Variants in JAKMIP1 observed in about 807,000 individuals in gnomAD.
The protein encoded by JAKMIP1 is janus kinase and microtubule interacting protein 1.
In JAKMIP1, 33 loss-of-function variants were observed where a neutral mutation model predicts 113.0. The observed-to-expected ratio is 0.29, with a 90% CI of 0.22 to 0.39. The LOEUF is 0.39. Ranked by LOEUF, JAKMIP1 falls within the 10% of genes least tolerant of loss-of-function variation. The pLI is 1.00. For missense variants in JAKMIP1, 813 were observed against 1,080.5 expected, an observed-to-expected ratio of 0.75 and a Z score of 3.47; for synonymous variants, 480 against 459.9, an observed-to-expected ratio of 1.04 and a Z score of -0.56.
Position 6,042,963 on chromosome 4 carries a change from G to T in JAKMIP1, c.2029-736C>A, listed in dbSNP as rs1296409612. Among the ~76,000 whole-genome samples, 5 of 152,028 alleles carry T rather than the reference G, an allele frequency of 3.3e-5. No individual in the cohort carries two copies. Among genetic ancestry groups the T allele is most frequent in the African/African-American group, 9.7e-5 (4 of 41,394 alleles). On this transcript the variant is annotated intron_variant, in intron 16 of 20. Transcript: ENST00000409021. The surrounding 1 kb of genome is among the most constrained non-coding windows in gnomAD (Gnocchi z 5.2). ...GAGCTCTGTCCACGTTCCCTCTGGG[G>T]TCTGGGCTGGGGGTGAGCACGGAGG...
Position 6,128,138 on chromosome 4 carries a change from C to T in JAKMIP1, c.-147-15141G>A, listed in dbSNP as rs1195103283. On this transcript the variant is annotated intron_variant, in intron 1 of 20. Transcript: ENST00000409021. ...TGGGGCCCGAGACAGAAACTGGCCA[C>T]AGTCATGTGGTTAGAAAAGGGCTTT... Among the ~76,000 whole-genome samples the T allele has an allele frequency of 2.6e-5, 4 of 152,308 alleles. No individual in the cohort carries two copies. In the East Asian group the frequency reaches 7.7e-4, roughly 29 times the overall value.
chr4:6,029,775 G>A lies in JAKMIP1; in HGVS notation c.2386C>T (p.Arg796Ter). Reference sequence around the variant, plus strand: ...AACTCCAGTTTGTCCTCCAGTTCTCGGATTCTCTGAAATACACCAGGTTAC... The same window carrying A: ...AACTCCAGTTTGTCCTCCAGTTCTCAGATTCTCTGAAATACACCAGGTTAC... ...ELLQQAQQRIRELEDKLEFQK... is the reference protein window; with the variant it reads ...ELLQQAQQRI Residue 796 changes from arginine (R) to a stop codon, truncating the protein, a stop_gained, in exon 20 of 21, where the codon CGA (arginine) becomes TGA (stop). Coordinates refer to ENST00000409021, the MANE Select transcript of JAKMIP1 (RefSeq NM_001099433.2). LOFTEE classifies it high-confidence loss of function. 6.2e-7 allele frequency: 1 copy of A among 1,601,652 alleles called. No homozygotes were observed. The highest frequency in any genetic ancestry group is 8.5e-7 in the Non-Finnish European group (1 of 1,173,284).
In JAKMIP1 at chr4:6,158,294, A is replaced by G. The variant is rs967235140; in HGVS notation, c.-148+41959T>C. Among the ~76,000 whole-genome samples, 1 of 152,234 alleles carries G rather than the reference A, an allele frequency of 6.6e-6. No homozygotes were observed. Among genetic ancestry groups the G allele is most frequent in the Non-Finnish European group, 1.5e-5 (1 of 68,038 alleles). ...TCAGCTATGAAGCACTTGAAAGCCC[A>G]GAACCTAACATCATAGGGATGGTAG... On this transcript the variant is annotated intron_variant, in intron 1 of 20. Coordinates refer to ENST00000409021, the MANE Select transcript of JAKMIP1 (RefSeq NM_001099433.2). The surrounding 1 kb of genome is among the most constrained non-coding windows in gnomAD (Gnocchi z 5.3).
intron 1 of JAKMIP1, among the ~76,000 whole-genome samples, chr4:6,160,013 A>G (rs1388594713): frequency 6.6e-6 from 1 of 152,204 alleles, no homozygotes; most frequent in Admixed American, 6.5e-5. Context: ...GATCAGGATT[A>G]AAGCAAGAAG....
At position 6,042,058 on chromosome 4, in the gene JAKMIP1, A is replaced by C. The variant is rs1714386632; in HGVS notation, c.2097+101T>G. ...GGGCAAAAGCAAAATTGAGAAATGC[A>C]TGCAAATCATTAGGAAAACACATGC... On this transcript the variant is annotated intron_variant, in intron 17 of 20. Transcript: ENST00000409021. This position sits in a 1 kb window ranked among gnomAD's most constrained non-coding sequence, Gnocchi z 5.2. The C allele has an allele frequency of 1.0e-6, 1 of 958,302 alleles. No homozygotes were observed. The highest frequency in any genetic ancestry group is 1.6e-5 in the African/African-American group (1 of 61,544). The allele number at this position is 958,302 out of a possible 1,614,324, so 59.4% of individuals were successfully genotyped here.
At chr4:6,169,776 C>A (rs1297724979) in intron 1 of JAKMIP1, among the ~76,000 whole-genome samples, 1 of 151,900 alleles carries the variant, frequency 6.6e-6, no homozygotes, top group Non-Finnish European at 1.5e-5. Flanking sequence ...GGCCTTGTGC[C>A]TCAGATGCCC....
At position 6,069,588 on chromosome 4, in the gene JAKMIP1, A is replaced by G. The variant is rs1718661551; in HGVS notation, c.1303-4580T>C. On this transcript the variant is annotated intron_variant, in intron 8 of 20. Transcript: ENST00000409021. This position sits in a 1 kb window ranked among gnomAD's most constrained non-coding sequence, Gnocchi z 4.5. ...ACATAGTGAGAATCCATCTCTACAAAAAGTTATTTAAAAAGTTAGCCGAGT... is the reference window on the plus strand; with the variant it reads ...ACATAGTGAGAATCCATCTCTACAAGAAGTTATTTAAAAAGTTAGCCGAGT... Among the ~76,000 whole-genome samples, 1 of 152,076 alleles carries G rather than the reference A, an allele frequency of 6.6e-6. No homozygotes were observed.
At chr4:6,104,360 T>C (rs1237146176) in intron 3 of JAKMIP1, among the ~76,000 whole-genome samples, 1 of 152,248 alleles carries the variant, frequency 6.6e-6, no homozygotes, top group African/African-American at 2.4e-5. Flanking sequence ...TTTTCTTTTA[T>C]ACATTTTGAG....
At position 6,094,478 on chromosome 4, in the gene JAKMIP1, C is replaced by T. The variant is rs1722533481; in HGVS notation, c.625-8849G>A. On this transcript the variant is annotated intron_variant, in intron 3 of 20. Coordinates refer to ENST00000409021, the MANE Select transcript of JAKMIP1 (RefSeq NM_001099433.2). The surrounding 1 kb of genome is among the most constrained non-coding windows in gnomAD (Gnocchi z 4.2). ...CTTGGCAGACAGGCATGGGAGTAAA[C>T]AAACCTACCAACCTCCGGGGCCCCT... Among the ~76,000 whole-genome samples, 1 of 152,150 alleles carries T rather than the reference C, an allele frequency of 6.6e-6. No homozygotes were observed. Among genetic ancestry groups the T allele is most frequent in the South Asian group, 2.1e-4 (1 of 4,822 alleles).
At chr4:6,034,665 G>C (rs1560625599) in intron 19 of JAKMIP1, among the ~76,000 whole-genome samples, 2 of 152,160 alleles carry the variant, frequency 1.3e-5, no homozygotes, top group Non-Finnish European at 2.9e-5. Flanking sequence ...AGCTGGGTGT[G>C]GTGGCGGGTG....
At chr4:6,096,669 C>G (rs749985189) in intron 3 of JAKMIP1, among the ~76,000 whole-genome samples, 1 of 152,194 alleles carries the variant, frequency 6.6e-6, no homozygotes, top group Non-Finnish European at 1.5e-5. Flanking sequence ...AACTTTTACC[C>G]TGTAAAATGG....
In JAKMIP1 at chr4:6,062,343, C is replaced by G. The variant is rs1006217497; in HGVS notation, c.1529G>C (p.Gly510Ala). Residue 510 changes from glycine to alanine, a missense_variant, in exon 10 of 21, where the codon GGA becomes GCA. Gly to Ala is a moderately conservative substitution (Grantham distance 60). Coordinates refer to ENST00000409021, the MANE Select transcript of JAKMIP1 (RefSeq NM_001099433.2). Reference protein sequence around the residue: ...RAYALLQEQVGGTLDAEREAR... With the variant: ...RAYALLQEQVAGTLDAEREAR... Reference sequence around the variant, plus strand: ...CTCCCTCTCAGCGTCCAGCGTGCCTCCCACCTGCTCCTGGAGCAGGGCGTA... The same window carrying G: ...CTCCCTCTCAGCGTCCAGCGTGCCTGCCACCTGCTCCTGGAGCAGGGCGTA... 1 of 1,613,382 alleles carries G rather than the reference C, an allele frequency of 6.2e-7. No homozygotes were observed.
In JAKMIP1 at chr4:6,157,610, A is replaced by G. The variant is rs1722407424; in HGVS notation, c.-148+42643T>C. Among the ~76,000 whole-genome samples the G allele has an allele frequency of 6.6e-6, 1 of 152,182 alleles. No homozygotes were observed. The highest frequency in any genetic ancestry group is 1.5e-5 in the Non-Finnish European group (1 of 68,034). ...AACTCAGAACCGGGATCTCCGAGCT[A>G]CAATCCCACCAGAATCCCAGCTCAG... On this transcript the variant is annotated intron_variant, in intron 1 of 20. Coordinates refer to ENST00000409021, the MANE Select transcript of JAKMIP1 (RefSeq NM_001099433.2). The surrounding 1 kb of genome is among the most constrained non-coding windows in gnomAD (Gnocchi z 4.7).
chr4:6,186,562 T>G lies in JAKMIP1; in HGVS notation c.-148+13691A>C, dbSNP rs1340048084. Among the ~76,000 whole-genome samples, 1 of 152,216 alleles carries G rather than the reference T, an allele frequency of 6.6e-6. No homozygotes were observed. The highest frequency in any genetic ancestry group is 1.9e-4 in the East Asian group (1 of 5,194). On this transcript the variant is annotated intron_variant, in intron 1 of 20. Transcript: ENST00000409021. This position sits in a 1 kb window ranked among gnomAD's most constrained non-coding sequence, Gnocchi z 5.5. Reference sequence around the variant, plus strand: ...TTTGTTTGCTTGTTTTCTCTCCTTTTAATTTTATTGAGGTTGTATTAGGGC... The same window carrying G: ...TTTGTTTGCTTGTTTTCTCTCCTTTGAATTTTATTGAGGTTGTATTAGGGC...
chr4:6,070,646 C>A (rs1165197511), intron 8 of JAKMIP1, among the ~76,000 whole-genome samples: 2 of 152,254 alleles, frequency 1.3e-5, no homozygotes, highest in Non-Finnish European at 2.9e-5. Flanking sequence ...AATGGCAACG[C>A]CACGATAGAT....
At position 6,162,596 on chromosome 4, in the gene JAKMIP1, G is replaced by C. The variant is rs1272535950; in HGVS notation, c.-148+37657C>G. 2.6e-5 allele frequency among the ~76,000 whole-genome samples: 4 copies of C among 152,200 alleles called. No homozygotes were observed. The highest frequency in any genetic ancestry group is 6.5e-5 in the Admixed American group (1 of 15,286). The stretch of plus-strand genomic sequence containing the variant: ...AGGCAGTCATGTCAACAGGGCAAAG[G>C]CACCATCTCGTTCAACCTGCCAAGC... On this transcript the variant is annotated intron_variant, in intron 1 of 20. Transcript: ENST00000409021. This position sits in a 1 kb window ranked among gnomAD's most constrained non-coding sequence, Gnocchi z 5.6.
At chr4:6,058,193 C>G (rs1716754656) in intron 11 of JAKMIP1, among the ~76,000 whole-genome samples, 1 of 152,236 alleles carries the variant, frequency 6.6e-6, no homozygotes. Context: ...AGGACCTACC[C>G]CCCTGGGGGA....
intron 3 of JAKMIP1, among the ~76,000 whole-genome samples, chr4:6,102,049 A>G (rs993968757): frequency 3.3e-5 from 5 of 152,316 alleles, no homozygotes; most frequent in African/African-American, 1.2e-4. Flanking sequence ...GATCTCCTTA[A>G]GTTTTTCTCA....
rs115080674 is a variant in JAKMIP1, at chr4:6,062,857, A to G, written c.1432-417T>C. ...ACCTCCCATTCTGGGAATTTATCCTAAAGAGATGGCCGGGCATGGTGGCTC... is the reference window on the plus strand; with the variant it reads ...ACCTCCCATTCTGGGAATTTATCCTGAAGAGATGGCCGGGCATGGTGGCTC... On this transcript the variant is annotated intron_variant, in intron 9 of 20. Coordinates refer to ENST00000409021, the MANE Select transcript of JAKMIP1 (RefSeq NM_001099433.2). Among the ~76,000 whole-genome samples, 634 of 152,340 alleles carry G rather than the reference A, an allele frequency of 4.2e-3. 2 individuals carry two copies. Among genetic ancestry groups the G allele is most frequent in the Non-Finnish European group, 7.4e-3 (504 of 68,024 alleles).
Sources: allele counts gnomAD v4.1 joint callset (sites outside exome capture counted in the v4.1 genomes callset), GRCh38; gene constraint gnomAD v4.1.1; non-coding constraint Gnocchi (gnomAD v3.1); transcripts MANE v1.5; gene names NCBI Gene and HGNC (gene_info 2026-07-23, HGNC 2026-07-21).